Variants in PLD1 observed in about 807,000 individuals in gnomAD.
PLD1 encodes the protein phospholipase D1.
In PLD1, 112 loss-of-function variants were observed where a neutral mutation model predicts 137.1. The ratio of observed to expected loss-of-function variants is 0.82; its 90% CI spans 0.70 to 0.96. PLD1 has a LOEUF of 0.96. Among genes scored for constraint, PLD1 ranks in the 40% least tolerant of loss-of-function variants. The pLI, the probability that PLD1 is intolerant of heterozygous loss-of-function variation, is 0.00. For missense variants in PLD1, 1,321 were observed against 1,342.0 expected (o/e 0.98, Z 0.24); for synonymous variants, 431 against 454.7 (o/e 0.95, Z 0.66).
intron 1 of PLD1, among the ~76,000 whole-genome samples, chr3:171,751,990 G>A (rs1364261812): frequency 5.4e-5 from 8 of 148,572 alleles, no homozygotes; most frequent in Admixed American, 3.3e-4. Context: ...GCGACAGAGC[G>A]AGACTCCGTC....
At chr3:171,618,659 T>C (rs1244273093) in intron 24 of PLD1, among the ~76,000 whole-genome samples, 4 of 152,138 alleles carry the variant, frequency 2.6e-5, no homozygotes, top group Non-Finnish European at 4.4e-5. Context: ...TTTATCCCTA[T>C]AGGCCAGGAG....
At position 171,738,079 on chromosome 3, in the gene PLD1, G is replaced by C; in HGVS notation, c.-28C>G. 2.5e-6 allele frequency: 4 copies of C among 1,589,122 alleles called. No homozygotes were observed. Among genetic ancestry groups the C allele is most frequent in the Non-Finnish European group, 1.7e-6 (2 of 1,164,954 alleles). Reference sequence around the variant, plus strand: ...TAACTTTGGACAGAGTAAAAGCAAAGGGGCTAGGAAAGAAGAAAACGGTTA... The same window carrying C: ...TAACTTTGGACAGAGTAAAAGCAAACGGGCTAGGAAAGAAGAAAACGGTTA... On this transcript the variant is annotated 5_prime_UTR_variant, in exon 2 of 27. Coordinates refer to ENST00000351298, the MANE Select transcript of PLD1 (RefSeq NM_002662.5).
At chr3:171,678,113 C>T (rs533615321) in intron 16 of PLD1, among the ~76,000 whole-genome samples, 37 of 152,218 alleles carry the variant, frequency 2.4e-4, no homozygotes, top group African/African-American at 8.4e-4. Context: ...AAACCTGAGA[C>T]GCAGGGGCAA....
chr3:171,632,181 T>C (rs1171887827), intron 23 of PLD1, among the ~76,000 whole-genome samples: 1 of 151,952 alleles, frequency 6.6e-6, no homozygotes, highest in Non-Finnish European at 1.5e-5. Flanking sequence ...CATGAGAAAA[T>C]AATGGACATA....
At chr3:171,806,645 G>A (rs948326485) in intron 1 of PLD1, among the ~76,000 whole-genome samples, 1 of 152,146 alleles carries the variant, frequency 6.6e-6, no homozygotes, top group Admixed American at 6.5e-5. Context: ...TATGTGTTGG[G>A]TCCCCTAGTA....
chr3:171,675,188 T>C (rs1246191697), intron 18 of PLD1, among the ~76,000 whole-genome samples: 1 of 152,124 alleles, frequency 6.6e-6, no homozygotes, highest in East Asian at 1.9e-4. Context: ...TAATCTGTAG[T>C]TACAGAACTT....
At chr3:171,720,757 T>G (rs1251834726) in intron 8 of PLD1, among the ~76,000 whole-genome samples, 1 of 152,212 alleles carries the variant, frequency 6.6e-6, no homozygotes, top group African/African-American at 2.4e-5. Flanking sequence ...GATGACACAT[T>G]TCATTCCAGG....
intron 21 of PLD1, among the ~76,000 whole-genome samples, chr3:171,658,959 ACAAACCT>A (rs1044271972): frequency 6.6e-6 from 1 of 152,202 alleles, no homozygotes; most frequent in Non-Finnish European, 1.5e-5. Flanking sequence ...AAAACAAATC[ACAAACCT>A]CATGTGTGGG....
intron 21 of PLD1, chr3:171,654,166 G>A: frequency 2.8e-6 from 1 of 353,706 alleles, no homozygotes; most frequent in Non-Finnish European, 5.7e-6. Context: ...AGCTGAGTGT[G>A]GTGGCGGGTG....
chr3:171,735,754 T>C (rs1395087461), intron 3 of PLD1, 117 bp from the exon 4 acceptor site: 1 of 614,982 alleles, frequency 1.6e-6, no homozygotes, highest in African/African-American at 1.8e-5. Context: ...GCCTACTTAT[T>C]TTGTGTAAGT....
intron 1 of PLD1, among the ~76,000 whole-genome samples, chr3:171,794,317 G>C (rs757905025): frequency 1.3e-5 from 2 of 151,892 alleles, no homozygotes; most frequent in Non-Finnish European, 2.9e-5. Context: ...TTTATCATAG[G>C]TATGTATGTA....
chr3:171,653,133 C>T (rs1398612129), intron 21 of PLD1: 2 of 152,116 alleles, frequency 1.3e-5, no homozygotes, highest in East Asian at 3.9e-4. Context: ...CCTCAGCTGC[C>T]TCATCTGTAG....
chr3:171,643,053 C>G (rs972346321), intron 22 of PLD1, 164 bp from the exon 23 acceptor site: 6 of 535,554 alleles, frequency 1.1e-5, no homozygotes, highest in Non-Finnish European at 1.3e-5. Context: ...ATGAATATCA[C>G]TTTTGTAATG....
At chr3:171,743,496 C>T (rs1289768148) in intron 1 of PLD1, among the ~76,000 whole-genome samples, 3 of 152,196 alleles carry the variant, frequency 2.0e-5, no homozygotes, top group Non-Finnish European at 4.4e-5. Flanking sequence ...CTTTTCCCTG[C>T]ATGTCTTCCT....
intron 17 of PLD1, 109 bp from the exon 18 acceptor site, chr3:171,676,942 G>A (rs1243355391): frequency 4.5e-6 from 3 of 661,864 alleles, no homozygotes; most frequent in South Asian, 3.8e-5. Flanking sequence ...TGCCCACTAG[G>A]TATATATTTC....
chr3:171,680,761 G>A (rs992781021), intron 16 of PLD1, among the ~76,000 whole-genome samples: 3 of 152,124 alleles, frequency 2.0e-5, no homozygotes, highest in East Asian at 1.9e-4. Context: ...CTCAAACCTC[G>A]GAATCACCTT....
intron 1 of PLD1, chr3:171,788,830 G>A (rs562426695): frequency 4.6e-5 from 7 of 152,312 alleles, no homozygotes; most frequent in African/African-American, 1.4e-4. Flanking sequence ...TGCCAACTCT[G>A]GTAATTTGTT....
chr3:171,656,156 T>TTTTTTTTTTTTTTTATTTATTTATTTA (rs1553810398), intron 21 of PLD1, among the ~76,000 whole-genome samples: 1 of 145,360 alleles, frequency 6.9e-6, no homozygotes, highest in Non-Finnish European at 1.5e-5. Context: ...AATACTATAA[T>TTTTTTTTTTTTTTTATTTATTTATTTA]TTTATTTATT....
intron 21 of PLD1, among the ~76,000 whole-genome samples, chr3:171,655,940 T>C (rs1737152858): frequency 6.6e-6 from 1 of 152,176 alleles, no homozygotes; most frequent in African/African-American, 2.4e-5. Flanking sequence ...TTTGATGAAC[T>C]AATTTCCCAT....
Sources: gnomAD v4.1 joint callset for allele counts (sites outside exome capture counted in the v4.1 genomes callset) on GRCh38, gnomAD v4.1.1 for gene constraint, MANE v1.5 for transcripts, NCBI Gene and HGNC (gene_info 2026-07-23, HGNC 2026-07-21) for gene names.